Variants in DSCAML1 observed in about 807,000 individuals in gnomAD.
DSCAML1 encodes cell adhesion molecule DSCAML1.
A neutral mutation model predicts 200.5 loss-of-function variants in DSCAML1; 38 were observed. The ratio of observed to expected loss-of-function variants is 0.19; its 90% CI spans 0.15 to 0.25. The LOEUF (loss-of-function observed/expected upper bound fraction) is 0.25, where lower values mean the gene tolerates loss of function less well. Among genes scored for constraint, DSCAML1 ranks in the 10% least tolerant of loss-of-function variants. DSCAML1 has a pLI of 1.00. For synonymous variants in DSCAML1, 1,215 were observed against 1,165.0 expected (o/e 1.04, Z -0.87); for missense variants, 2,223 against 2,858.8 (o/e 0.78, Z 5.07).
chr11:117,781,292 A>G (rs1350408124), intron 1 of DSCAML1, among the ~76,000 whole-genome samples: 2 of 62,006 alleles, frequency 3.2e-5, no homozygotes, highest in Admixed American at 2.0e-4. Flanking sequence ...CTCTGTCTCG[A>G]AAAAAAAAAA....
chr11:117,505,792 GC>G lies in DSCAML1; in HGVS notation c.1784-61del. The G allele has an allele frequency of 6.5e-7, 1 of 1,548,028 alleles. No homozygotes were observed. The highest frequency in any genetic ancestry group is 1.2e-5 in the South Asian group (1 of 82,448). On this transcript the variant is annotated intron_variant, in intron 8 of 32. Transcript: ENST00000651296. The surrounding 1 kb of genome is among the most constrained non-coding windows in gnomAD (Gnocchi z 6.7). ...TGTGCATTCTCACCTGGCCGCCAAC[GC>G]CGCCTCACCTGCCTTACCTGGGGCT... is the stretch of plus-strand genomic sequence containing the variant.
In DSCAML1 at chr11:117,769,530, TTATATATATTATATATTTTATA is replaced by T. The variant is rs1400332165; in HGVS notation, c.511+7239_511+7260del. Among the ~76,000 whole-genome samples, 51 of 36,582 alleles carry T rather than the reference TTATATATATTATATATTTTATA, an allele frequency of 1.4e-3. 4 individuals carry two copies. Among genetic ancestry groups the T allele is most frequent in the Non-Finnish European group, 1.9e-3 (43 of 22,748 alleles). 24.0% of individuals were successfully genotyped at this position (36,582 alleles called of 152,430 possible). On this transcript the variant is annotated intron_variant, in intron 3 of 32. Transcript: ENST00000651296. The stretch of plus-strand genomic sequence containing the variant: ...ATATTTTATATATATTATATATATT[TTATATATATTATATATTTTATA>T]TATATATTTTATATATATTATATAT...
intron 11 of DSCAML1, among the ~76,000 whole-genome samples, chr11:117,485,610 C>A (rs978576720): frequency 6.6e-6 from 1 of 152,254 alleles, no homozygotes; most frequent in African/African-American, 2.4e-5. Context: ...AACTGCCTGC[C>A]ACACAGCACT....
In DSCAML1 at chr11:117,516,315, C is replaced by T; in HGVS notation, c.1783+152G>A. 2 of 984,090 alleles carry T rather than the reference C, an allele frequency of 2.0e-6. No homozygotes were observed. Among genetic ancestry groups the T allele is most frequent in the Non-Finnish European group, 1.5e-6 (1 of 683,114 alleles). 61.0% of individuals were successfully genotyped at this position (984,090 alleles called of 1,614,324 possible). A position where few individuals can be genotyped will look rare whatever the true frequency, so the allele number is the denominator to read the frequency against. On this transcript the variant is annotated intron_variant, in intron 8 of 32. Transcript: ENST00000651296. The surrounding 1 kb of genome is among the most constrained non-coding windows in gnomAD (Gnocchi z 5.7). ...TCCACCCACAGTCTTCTGCCCTGCT[C>T]CCTTTTTTCTGAATGCCAAGCTGGG...
chr11:117,719,375 C>T (rs906385045), intron 3 of DSCAML1, among the ~76,000 whole-genome samples: 7 of 152,170 alleles, frequency 4.6e-5, no homozygotes, highest in South Asian at 2.1e-4. Context: ...ACCCGGGCGG[C>T]GAAGGTGGCA....
intron 8 of DSCAML1, among the ~76,000 whole-genome samples, chr11:117,508,457 A>G (rs1030721723): frequency 1.6e-4 from 24 of 151,522 alleles, no homozygotes; most frequent in African/African-American, 5.6e-4. Context: ...ATACGTCTCA[A>G]TATCATTTCC....
intron 12 of DSCAML1, among the ~76,000 whole-genome samples, 171 bp downstream of exon 12, chr11:117,481,792 A>C (rs1400575532): frequency 1.3e-5 from 2 of 151,976 alleles, no homozygotes; most frequent in Admixed American, 1.3e-4. Flanking sequence ...GTTCTGAGAC[A>C]CAGATTCCTG....
At chr11:117,606,626 T>C (rs1388185972) in intron 3 of DSCAML1, among the ~76,000 whole-genome samples, 2 of 152,182 alleles carry the variant, frequency 1.3e-5, no homozygotes, top group African/African-American at 2.4e-5. Context: ...TTGACATGGG[T>C]TCCATCCGTC....
chr11:117,496,276 C>T (rs1011925618), intron 11 of DSCAML1, among the ~76,000 whole-genome samples: 10 of 152,166 alleles, frequency 6.6e-5, no homozygotes, highest in Non-Finnish European at 1.2e-4. Flanking sequence ...GCCTTTCTCT[C>T]TGTTAGTCTT....
intron 3 of DSCAML1, among the ~76,000 whole-genome samples, chr11:117,609,039 AAAAAC>A (rs1565823722): frequency 1.7e-4 from 25 of 147,788 alleles, no homozygotes; most frequent in African/African-American, 5.3e-4. Flanking sequence ...AACAAACAAA[AAAAAC>A]AAAAATTGTC....
chr11:117,714,959 G>C (rs762645058), intron 3 of DSCAML1, among the ~76,000 whole-genome samples: 12 of 152,136 alleles, frequency 7.9e-5, no homozygotes, highest in Non-Finnish European at 1.3e-4. Context: ...GCCTGACTTG[G>C]TGCCTACTCT....
intron 3 of DSCAML1, among the ~76,000 whole-genome samples, chr11:117,675,255 C>A (rs1434819127): frequency 9.9e-5 from 15 of 152,114 alleles, no homozygotes; most frequent in Admixed American, 9.8e-4. Context: ...ACAGACAATA[C>A]CATGGCTCGG....
At chr11:117,582,248 G>A (rs2051052242) in intron 3 of DSCAML1, among the ~76,000 whole-genome samples, 1 of 152,206 alleles carries the variant, frequency 6.6e-6, no homozygotes, top group Admixed American at 6.5e-5. Flanking sequence ...AGTCCAGAGG[G>A]ACCTGGGATG....
At chr11:117,449,200 G>C (rs1354848422) in intron 20 of DSCAML1, among the ~76,000 whole-genome samples, 1 of 152,208 alleles carries the variant, frequency 6.6e-6, no homozygotes, top group African/African-American at 2.4e-5. Flanking sequence ...TTACCTGGGA[G>C]GAGGGGCAGG....
intron 3 of DSCAML1, among the ~76,000 whole-genome samples, chr11:117,617,098 G>A (rs1426809806): frequency 1.3e-5 from 2 of 152,218 alleles, no homozygotes; most frequent in African/African-American, 4.8e-5. Context: ...ACAACAGTAG[G>A]AGGTCAGTAT....
intron 3 of DSCAML1, among the ~76,000 whole-genome samples, chr11:117,645,338 G>A (rs1180564147): frequency 2.6e-5 from 4 of 152,114 alleles, no homozygotes; most frequent in Non-Finnish European, 5.9e-5. Context: ...AACTGAGGCT[G>A]ATTTTCTCTC....
intron 3 of DSCAML1, among the ~76,000 whole-genome samples, chr11:117,687,245 C>G (rs987870856): frequency 6.6e-6 from 1 of 152,002 alleles, no homozygotes; most frequent in Non-Finnish European, 1.5e-5. Flanking sequence ...TTTGGAGCCA[C>G]TCTGCGTTTA....
intron 3 of DSCAML1, among the ~76,000 whole-genome samples, chr11:117,755,258 C>A (rs986043313): frequency 6.6e-6 from 1 of 152,112 alleles, no homozygotes; most frequent in African/African-American, 2.4e-5. Flanking sequence ...GGACAGGGAA[C>A]CTGAATTATG....
chr11:117,508,086 T>C (rs536979628), intron 8 of DSCAML1, among the ~76,000 whole-genome samples: 8 of 152,104 alleles, frequency 5.3e-5, no homozygotes, highest in Non-Finnish European at 8.8e-5. Flanking sequence ...TCTGATGGAT[T>C]GTAGCAGAGA....
Sources: gnomAD v4.1 joint callset for allele counts (sites outside exome capture counted in the v4.1 genomes callset) on GRCh38, gnomAD v4.1.1 for gene constraint, Gnocchi (gnomAD v3.1) non-coding constraint, MANE v1.5 for transcripts, NCBI Gene and HGNC (gene_info 2026-07-23, HGNC 2026-07-21) for gene names.